RYR2: variants seen among roughly 807,000 people sequenced by gnomAD.
RYR2 encodes ryanodine receptor 2, also known as cardiac muscle ryanodine receptor-calcium release channel.
Under a neutral mutation model 601.1 loss-of-function variants are expected in RYR2, and 227 were observed. The observed-to-expected ratio is 0.38, with a 90% CI of 0.34 to 0.42. The LOEUF is 0.42. Among genes scored for constraint, RYR2 ranks in the 10% least tolerant of loss-of-function variants. RYR2 has a pLI of 1.00. For missense variants in RYR2, 4,646 were observed against 6,156.5 expected, an observed-to-expected ratio of 0.75 and a Z score of 8.21; for synonymous variants, 2,223 against 2,175.1, an observed-to-expected ratio of 1.02 and a Z score of -0.61.
rs1022963077 is a variant in RYR2 at position 237,644,005 on chromosome 1, C to T, written c.7342+558C>T. Among the ~76,000 whole-genome samples the T allele has an allele frequency of 5.9e-5, 9 of 152,274 alleles. 1 individual carries two copies. Among genetic ancestry groups the T allele is most frequent in the Non-Finnish European group, 8.8e-5 (6 of 68,010 alleles). On this transcript the variant is annotated intron_variant, in intron 48 of 104. Transcript: ENST00000366574. ...TTTATATGACATTTCAGACAGCTTC[C>T]AGAGAAGCAGAAACATGCACTGCTA...
chr1:237,699,132 G>C, intron 64 of RYR2, 107 bp downstream of exon 64: 1 of 595,268 alleles, frequency 1.7e-6, no homozygotes, highest in Non-Finnish European at 2.8e-6. Flanking sequence ...CTTTGGATTT[G>C]TAATAAAGTC....
chr1:237,759,243 C>T (rs1015831790), intron 82 of RYR2, among the ~76,000 whole-genome samples: 3 of 152,202 alleles, frequency 2.0e-5, no homozygotes, highest in East Asian at 1.9e-4. Context: ...CATGCTACCA[C>T]GCCCAGCTGA....
rs115296835 is a variant in RYR2, at chr1:237,181,673, A to G, written c.49-88824A>G. ...GGACACGAAACCCATCAGCCTCCAC[A>G]TCCTGTGAAAATCACTGCTGCACAA... On this transcript the variant is annotated intron_variant, in intron 1 of 104. Coordinates refer to ENST00000366574, the MANE Select transcript of RYR2 (RefSeq NM_001035.3). 6.0e-3 allele frequency among the ~76,000 whole-genome samples: 910 copies of G among 152,324 alleles called. 9 individuals are homozygous for G. The highest frequency in any genetic ancestry group is 0.033 in the South Asian group (159 of 4,832).
intron 24 of RYR2, among the ~76,000 whole-genome samples, chr1:237,515,620 TC>T (rs1666341742): frequency 1.4e-5 from 1 of 71,128 alleles, no homozygotes; most frequent in Non-Finnish European, 2.8e-5. Context: ...CTCCTCCCCC[TC>T]CCTCCCCTCC....
intron 14 of RYR2, among the ~76,000 whole-genome samples, chr1:237,448,927 A>G (rs1316544766): frequency 1.3e-5 from 2 of 151,888 alleles, no homozygotes; most frequent in Non-Finnish European, 2.9e-5. Context: ...CCATTTGATA[A>G]TCCCTGTTTT....
chr1:237,190,583 A>G (rs1170636183), intron 1 of RYR2, among the ~76,000 whole-genome samples: 1 of 152,234 alleles, frequency 6.6e-6, no homozygotes, highest in Non-Finnish European at 1.5e-5. Context: ...TGGGAAAAAA[A>G]CCAATACAAA....
Position 237,702,044 on chromosome 1 carries a change from G to T in RYR2, c.9434G>T (p.Ser3145Ile), listed in dbSNP as rs1688011604. 4 of 1,592,690 alleles carry T rather than the reference G, an allele frequency of 2.5e-6. No homozygotes were observed. The highest frequency in any genetic ancestry group is 3.4e-6 in the Non-Finnish European group (4 of 1,160,934). Residue 3145 changes from serine (S) to isoleucine (I), a missense_variant, in exon 66 of 105, where the codon AGT (serine) becomes ATT (isoleucine). Ser to Ile is a moderately radical substitution (Grantham distance 142). This residue lies in a region of RYR2 where 1,497 missense variants were observed against 1,842.6 expected (regional missense o/e 0.81). Transcript: ENST00000366574. ...TSLYALGTSK[S>I]IYVERQRSAL... is the part of the protein sequence containing the mutation. The stretch of plus-strand genomic sequence containing the variant: ...TTATATGCTTTGGGAACCAGCAAGA[G>T]TATTTACGTGGAGAGGTAAGAATGT...
intron 32 of RYR2, 65 bp downstream of exon 32, chr1:237,591,918 A>G (rs1016418427): frequency 5.8e-5 from 60 of 1,042,546 alleles, no homozygotes; most frequent in Non-Finnish European, 5.0e-5. Context: ...CATCTCCAGT[A>G]ATACATACCG....
chr1:237,394,693 T>A (rs1277037678), intron 10 of RYR2, among the ~76,000 whole-genome samples: 2 of 152,230 alleles, frequency 1.3e-5, no homozygotes, highest in East Asian at 1.9e-4. Context: ...GAGGGACTTG[T>A]ATAGCCCAGA....
chr1:237,658,975 T>C (rs887687152), intron 54 of RYR2, among the ~76,000 whole-genome samples: 3 of 152,214 alleles, frequency 2.0e-5, no homozygotes, highest in African/African-American at 7.2e-5. Context: ...CATGTTTAAG[T>C]TGAGCTTAGT....
In RYR2 at chr1:237,723,188, G is replaced by A. The variant is rs766991919; in HGVS notation, c.10615G>A (p.Asp3539Asn). The change falls in exon 74 of 105, where the codon GAT becomes AAT. Residue 3539 changes from aspartate to asparagine, a missense_variant. Physicochemically the swap from Asp to Asn is conservative, Grantham distance 23. Around this residue, in one of 17 missense-constraint regions of RYR2, gnomAD observed 1,497 missense variants for 1,842.6 expected, o/e 0.81. Transcript: ENST00000366574. ...ALYKDLPNRT[D>N]DTSDPEKTVE... Reference sequence around the variant, plus strand: ...TTACAAAGACTTACCAAACAGGACTGATGATACCTCAGATCCAGAGAAGAC... The same window carrying A: ...TTACAAAGACTTACCAAACAGGACTAATGATACCTCAGATCCAGAGAAGAC... The A allele has an allele frequency of 9.3e-6, 15 of 1,611,446 alleles. No homozygotes were observed. The East Asian group carries it at 2.9e-4, about 31-fold the overall frequency.
At chr1:237,343,530 A>ATT (rs897493257) in intron 3 of RYR2, among the ~76,000 whole-genome samples, 1 of 150,364 alleles carries the variant, frequency 6.7e-6, no homozygotes, top group Non-Finnish European at 1.5e-5. Flanking sequence ...TCAATAAGTG[A>ATT]TTTTTTTTTT....
chr1:237,416,101 A>G (rs575682843), intron 10 of RYR2, among the ~76,000 whole-genome samples: 1 of 152,336 alleles, frequency 6.6e-6, no homozygotes, highest in African/African-American at 2.4e-5. Context: ...CACAGTGTTA[A>G]AAAGAAAGTA....
chr1:237,090,221 G>C (rs1429900815), intron 1 of RYR2, among the ~76,000 whole-genome samples: 1 of 152,296 alleles, frequency 6.6e-6, no homozygotes, highest in South Asian at 2.1e-4. Flanking sequence ...GGTGAGATTT[G>C]GGTGGGGACA....
chr1:237,743,452 A>G (rs1691794148), intron 80 of RYR2: 1 of 258,842 alleles, frequency 3.9e-6, no homozygotes, highest in Non-Finnish European at 8.0e-6. Context: ...AGTCATCTTT[A>G]TTGATAAGAA....
At chr1:237,384,360 GTCTGTGGACCTA>G (rs1193236201) in intron 8 of RYR2, among the ~76,000 whole-genome samples, 1 of 152,204 alleles carries the variant, frequency 6.6e-6, no homozygotes, top group African/African-American at 2.4e-5. Context: ...GCCAGCCTTT[GTCTGTGGACCTA>G]TCAGTCATTC....
Position 237,802,231 on chromosome 1 carries a change from TAATTTTAA to T in RYR2, c.14151+318_14151+325del, listed in dbSNP as rs1244532623. 2.6e-5 allele frequency: 5 copies of T among 194,114 alleles called. No homozygotes were observed. In the East Asian group the frequency reaches 6.0e-4, roughly 23 times the overall value. 12.0% of individuals were successfully genotyped at this position (194,114 alleles called of 1,614,324 possible). ...TAGATGTTAAAAAGAAACTCCTAAA[TAATTTTAA>T]AAGAACATTAATTGTGCTAAATTTA... is the stretch of plus-strand genomic sequence containing the variant. On this transcript the variant is annotated intron_variant, in intron 98 of 104. Coordinates refer to ENST00000366574, the MANE Select transcript of RYR2 (RefSeq NM_001035.3).
At chr1:237,336,399 TA>T (rs1199876967) in intron 3 of RYR2, among the ~76,000 whole-genome samples, 1 of 152,242 alleles carries the variant, frequency 6.6e-6, no homozygotes, top group Non-Finnish European at 1.5e-5. Context: ...TAAAATGGCT[TA>T]TTGTTTTATA....
At chr1:237,662,622 T>A (rs1683912502) in intron 56 of RYR2, among the ~76,000 whole-genome samples, 1 of 152,230 alleles carries the variant, frequency 6.6e-6, no homozygotes, top group Non-Finnish European at 1.5e-5. Flanking sequence ...TACTCTAATT[T>A]AAAATCATGT....
Sources: allele counts gnomAD v4.1 joint callset (sites outside exome capture counted in the v4.1 genomes callset), GRCh38; gene constraint gnomAD v4.1.1; regional missense constraint gnomAD v4.1.1; transcripts MANE v1.5; gene names NCBI Gene and HGNC (gene_info 2026-07-23, HGNC 2026-07-21).